LETMD1: variants seen among roughly 807,000 people sequenced by gnomAD.
LETMD1 encodes the protein LETM1 domain-containing protein 1.
In LETMD1, 30 loss-of-function variants were observed where a neutral mutation model predicts 43.9. The ratio of observed to expected loss-of-function variants is 0.68; its 90% CI spans 0.51 to 0.93. LETMD1 has a LOEUF of 0.93. LETMD1 is among the 40% of genes least tolerant of loss of function. The probability of loss-of-function intolerance (pLI) is 0.00; values close to 1 mark genes in which losing one functional copy is unlikely to be tolerated. For missense variants in LETMD1, 413 were observed against 447.7 expected, an observed-to-expected ratio of 0.92 and a Z score of 0.70; for synonymous variants, 176 against 163.1, an observed-to-expected ratio of 1.08 and a Z score of -0.60.
At chr12:51,067,956 C>T in the LETMD1 span, 1 of 1,613,460 alleles carries the variant, frequency 6.2e-7, no homozygotes, top group Non-Finnish European at 8.5e-7. The surrounding 1 kb of genome is among the most constrained non-coding windows in gnomAD (Gnocchi z 4.1). Flanking sequence ...CTCCACTGTC[C>T]CATTCTTGGT....
chr12:51,068,022 C>A, the LETMD1 span: 1 of 1,534,958 alleles, frequency 6.5e-7, no homozygotes. Context: ...CATGCACCTC[C>A]TCAGTGACCA....
intron 2 of LETMD1, among the ~76,000 whole-genome samples, chr12:51,051,007 C>A (rs1433721885): frequency 4.7e-5 from 7 of 149,798 alleles, no homozygotes; most frequent in Non-Finnish European, 8.9e-5. Flanking sequence ...CAGTGAAACT[C>A]CCATCTCAAA....
At chr12:51,055,090 ACT>A (rs779005115) in intron 4 of LETMD1, among the ~76,000 whole-genome samples, 7 of 151,292 alleles carry the variant, frequency 4.6e-5, no homozygotes, top group Non-Finnish European at 8.8e-5. Flanking sequence ...ACAGAGCGAG[ACT>A]CTGTCTCAAA....
At chr12:51,062,854 GCAAGCAGCC>G, downstream of LETMD1, 1 of 152,528 alleles carries the variant, frequency 6.6e-6, no homozygotes, top group Non-Finnish European at 1.5e-5. Context: ...TTTCCAGATA[GCAAGCAGCC>G]TGTTCCCGCT....
chr12:51,056,320 C>G, intron 6 of LETMD1, 30 bp from the exon 7 acceptor site: 1 of 1,613,926 alleles, frequency 6.2e-7, no homozygotes. Flanking sequence ...ATACTATTTG[C>G]CTTTCCCCTC....
chr12:51,048,281 T>A, upstream of LETMD1: 1 of 1,598,436 alleles, frequency 6.3e-7, no homozygotes, highest in African/African-American at 1.3e-5. Context: ...GACGCATGCG[T>A]CTTCGAACGA....
chr12:51,048,235 C>T (rs757675527), upstream of LETMD1: 1 of 1,350,070 alleles, frequency 7.4e-7, no homozygotes, highest in South Asian at 1.2e-5. Flanking sequence ...GTGCTGGAGC[C>T]AAGCAGGCTA....
rs774551757 is a variant in LETMD1, at chr12:51,056,005, C to T, written c.644C>T (p.Thr215Ile). 1 of 1,613,816 alleles carries T rather than the reference C, an allele frequency of 6.2e-7. No individual in the cohort carries two copies. The highest frequency in any genetic ancestry group is 1.1e-5 in the South Asian group (1 of 91,024). The change falls in exon 5 of 9, where the codon ACA becomes ATA. Residue 215 changes from threonine (T) to isoleucine (I), a missense_variant. Transcript: ENST00000262055. ...ISDAGLRWRL[T>I]DLCTKIQRGT... ...GATGCAGGACTCCGGTGGCGTCTGA[C>T]AGATCTGTGCACCAAGGTATTCCTG... is the stretch of plus-strand genomic sequence containing the variant.
At chr12:51,067,343 C>G in the LETMD1 span, among the ~76,000 whole-genome samples, 1 of 152,032 alleles carries the variant, frequency 6.6e-6, no homozygotes, top group Non-Finnish European at 1.5e-5. The surrounding 1 kb of genome is among the most constrained non-coding windows in gnomAD (Gnocchi z 4.1). Flanking sequence ...TGCTTGTTTT[C>G]TTTGCAAAAA....
In LETMD1 at chr12:51,048,408, G is replaced by T. The variant is rs538770035; in HGVS notation, c.52G>T (p.Val18Phe). The T allele has an allele frequency of 7.4e-6, 12 of 1,614,140 alleles. No homozygotes were observed. The South Asian group carries it at 1.3e-4, about 18-fold the overall frequency. Residue 18 changes from valine (V) to phenylalanine (F), a missense_variant, in exon 1 of 9, where the codon GTC (valine) becomes TTC (phenylalanine). Transcript: ENST00000262055. ...WARSAVWGSA[V>F]TPGHFVTRRL... ...TCGGTCGGCTGTGTGGGGCTCGGCA[G>T]TCACCCCTGGACATTTTGTCACCCG... is the stretch of plus-strand genomic sequence containing the variant.
At chr12:51,060,897 G>T (rs1948803137), downstream of LETMD1, among the ~76,000 whole-genome samples, 2 of 116,090 alleles carry the variant, frequency 1.7e-5, no homozygotes, top group South Asian at 6.1e-4. Context: ...ATGAGATTCT[G>T]TCTCAAAAAA....
Position 51,056,490 on chromosome 12 carries a change from G to C in LETMD1, c.903G>C (p.Gln301His), listed in dbSNP as rs1157101614. 6.2e-7 allele frequency: 1 copy of C among 1,614,178 alleles called. No individual in the cohort carries two copies. ...AKLGIGQLTA[Q>H]EVKSACYLRG... ...TGGGGATTGGCCAGCTGACTGCTCA[G>C]GAAGTAAAATCGGTAAGAGCTTGAT... The change falls in exon 7 of 9, where the codon CAG becomes CAC. Residue 301 changes from glutamine (Q) to histidine (H), a missense_variant. Coordinates refer to ENST00000262055, the MANE Select transcript of LETMD1 (RefSeq NM_015416.5).
chr12:51,066,866 G>A, the LETMD1 span, among the ~76,000 whole-genome samples: 27 of 151,884 alleles, frequency 1.8e-4, no homozygotes, highest in East Asian at 9.7e-4. Flanking sequence ...TTGCTCTGTC[G>A]CCCGGGCTGG....
chr12:51,055,165 A>G (rs1383521177), intron 4 of LETMD1, among the ~76,000 whole-genome samples: 1 of 152,140 alleles, frequency 6.6e-6, no homozygotes, highest in Non-Finnish European at 1.5e-5. Context: ...TGCTATAGTT[A>G]GATTGTCAAC....
At chr12:51,067,329 G>A in the LETMD1 span, among the ~76,000 whole-genome samples, 3 of 152,078 alleles carry the variant, frequency 2.0e-5, no homozygotes, top group Non-Finnish European at 4.4e-5. This position sits in a 1 kb window ranked among gnomAD's most constrained non-coding sequence, Gnocchi z 4.1. Context: ...TAAGAATCCT[G>A]TCATGCTTGT....
Position 51,060,242 on chromosome 12 carries a change from C to A in LETMD1, c.*811C>A, listed in dbSNP as rs1948740065. ...GCCTTCTCTGGGCCATGGATCACAC[C>A]TGTAAGGTACTAATTACTGCCCAGC... On this transcript the variant is annotated 3_prime_UTR_variant, in exon 9 of 9. Transcript: ENST00000262055. 1 of 152,660 alleles carries A rather than the reference C, an allele frequency of 6.6e-6. No individual in the cohort carries two copies. Among genetic ancestry groups the A allele is most frequent in the African/African-American group, 2.4e-5 (1 of 41,446 alleles). The allele number at this position is 152,660 out of a possible 1,614,324, so 9.5% of individuals were successfully genotyped here.
chr12:51,068,071 T>G, the LETMD1 span: 1 of 1,110,992 alleles, frequency 9.0e-7, no homozygotes, highest in Non-Finnish European at 1.3e-6. Flanking sequence ...TCTGCAATCA[T>G]GGGAATATCT....
chr12:51,058,143 T>A lies in LETMD1; in HGVS notation c.1012+15T>A. On this transcript the variant is annotated intron_variant, in intron 8 of 8. Coordinates refer to ENST00000262055, the MANE Select transcript of LETMD1 (RefSeq NM_015416.5). ...CAGCCTGAAAGGTAAAACACATTTC[T>A]GTGGTTATACCACTAAAATCCAAGT... The A allele has an allele frequency of 6.6e-7, 1 of 1,524,450 alleles. No homozygotes were observed. The highest frequency in any genetic ancestry group is 9.1e-7 in the Non-Finnish European group (1 of 1,098,022). 94.4% of individuals were successfully genotyped at this position (1,524,450 alleles called of 1,614,324 possible).
At chr12:51,053,721 CTATTG>C (rs1180910926) in intron 3 of LETMD1, 52 bp from the exon 4 acceptor site, 5 of 1,156,842 alleles carry the variant, frequency 4.3e-6, no homozygotes, top group Non-Finnish European at 6.4e-6. Flanking sequence ...GATGGATTGT[CTATTG>C]TATTAACAAC....
Sources: allele counts gnomAD v4.1 joint callset (sites outside exome capture counted in the v4.1 genomes callset), GRCh38; gene constraint gnomAD v4.1.1; non-coding constraint Gnocchi (gnomAD v3.1); transcripts MANE v1.5; gene names NCBI Gene and HGNC (gene_info 2026-07-23, HGNC 2026-07-21).